Variants in FGD6 observed in about 807,000 individuals in gnomAD.
FGD6 encodes the protein FYVE, RhoGEF and PH domain containing 6, also known as FYVE, RhoGEF and PH domain-containing protein 6.
A neutral mutation model predicts 149.4 loss-of-function variants in FGD6; 90 were observed. The ratio of observed to expected loss-of-function variants is 0.60; its 90% CI spans 0.51 to 0.72. FGD6 has a LOEUF of 0.72. Among genes scored for constraint, FGD6 ranks in the 30% least tolerant of loss-of-function variants. The probability of loss-of-function intolerance (pLI) is 0.00; values close to 1 mark genes in which losing one functional copy is unlikely to be tolerated. For synonymous variants in FGD6, 527 were observed against 584.0 expected (o/e 0.90, Z 1.41); for missense variants, 1,437 against 1,684.8 (o/e 0.85, Z 2.57).
At position 95,202,115 on chromosome 12, in the gene FGD6, C is replaced by T. The variant is rs76412799; in HGVS notation, c.2441+6728G>A. 1.4e-3 allele frequency among the ~76,000 whole-genome samples: 206 copies of T among 151,908 alleles called. 1 individual carries two copies. Among genetic ancestry groups the T allele is most frequent in the African/African-American group, 4.6e-3 (191 of 41,424 alleles). On this transcript the variant is annotated intron_variant, in intron 2 of 20. Coordinates refer to ENST00000343958, the MANE Select transcript of FGD6 (RefSeq NM_018351.4). ...CACAAAAACATACATATGGGCTGGC[C>T]GCGGTGAGTCATGCCTGTAATCCCA... is the stretch of plus-strand genomic sequence containing the variant.
chr12:95,173,319 G>A (rs1265768934), intron 2 of FGD6, among the ~76,000 whole-genome samples: 1 of 152,184 alleles, frequency 6.6e-6, no homozygotes, highest in Admixed American at 6.5e-5. Context: ...TTATGCTCAA[G>A]ACCTGCTGCA....
At chr12:95,181,952 A>C (rs1881292399) in intron 2 of FGD6, among the ~76,000 whole-genome samples, 1 of 146,390 alleles carries the variant, frequency 6.8e-6, no homozygotes, top group Non-Finnish European at 1.5e-5. Flanking sequence ...AAAAAAAAAA[A>C]AAAAACAAAG....
At chr12:95,104,626 G>A (rs1439097584) in intron 14 of FGD6, among the ~76,000 whole-genome samples, 3 of 151,984 alleles carry the variant, frequency 2.0e-5, no homozygotes, top group Non-Finnish European at 2.9e-5. Flanking sequence ...TAGTAGAGAT[G>A]GGGTTTAATC....
chr12:95,217,116 G>T, intron 1 of FGD6, 109 bp downstream of exon 1: 1 of 1,531,394 alleles, frequency 6.5e-7, no homozygotes. Context: ...CTCGGCAAAG[G>T]TACGGGGCAC....
At chr12:95,125,783 G>A in intron 8 of FGD6, 1 of 740,104 alleles carries the variant, frequency 1.4e-6, no homozygotes, top group South Asian at 1.4e-5. Context: ...ACTTCATGGA[G>A]GTTGGCTGGG....
chr12:95,217,195 T>C, intron 1 of FGD6, 30 bp downstream of exon 1: 1 of 1,611,946 alleles, frequency 6.2e-7, no homozygotes, highest in Non-Finnish European at 8.5e-7. Context: ...CCACAAACTT[T>C]CCCGCGGCAG....
chr12:95,154,937 A>T (rs57773733), intron 3 of FGD6, among the ~76,000 whole-genome samples: 1,587 of 125,698 alleles, frequency 0.013, 36 homozygotes, highest in African/African-American at 0.044. Flanking sequence ...ATTTGGGAAA[A>T]TTTTTTTTTC....
intron 8 of FGD6, among the ~76,000 whole-genome samples, chr12:95,132,395 T>C (rs1879547101): frequency 6.6e-6 from 1 of 152,194 alleles, no homozygotes; most frequent in African/African-American, 2.4e-5. Flanking sequence ...AAACTAAGCA[T>C]GAAACCTAAA....
chr12:95,085,451 C>A, intron 19 of FGD6: 1 of 280,996 alleles, frequency 3.6e-6, no homozygotes, highest in East Asian at 6.6e-5. Flanking sequence ...GATCCACCCC[C>A]ACTCAGCCTC....
intron 3 of FGD6, 40 bp downstream of exon 3, chr12:95,172,560 A>T (rs1205540216): frequency 1.3e-6 from 2 of 1,510,934 alleles, no homozygotes; most frequent in South Asian, 2.8e-5. Flanking sequence ...ATTCCCAAGC[A>T]TAGGGAGAGG....
At chr12:95,164,534 A>T (rs1313739580) in intron 3 of FGD6, among the ~76,000 whole-genome samples, 2 of 151,932 alleles carry the variant, frequency 1.3e-5, no homozygotes, top group African/African-American at 4.8e-5. Context: ...GGGTTCAAGC[A>T]ATTCTCCTGC....
At chr12:95,083,367 T>C (rs1024549630) in intron 20 of FGD6, among the ~76,000 whole-genome samples, 1 of 152,038 alleles carries the variant, frequency 6.6e-6, no homozygotes, top group South Asian at 2.1e-4. Context: ...CATGTAATTC[T>C]GTCTTGGTGG....
At chr12:95,153,019 G>C (rs1019338467) in intron 3 of FGD6, 26 bp from the exon 4 acceptor site, 29 of 1,597,472 alleles carry the variant, frequency 1.8e-5, no homozygotes, top group African/African-American at 2.7e-5. Flanking sequence ...CATTTAACAT[G>C]AACTCATAAA....
At chr12:95,143,276 G>A (rs1879906991) in intron 5 of FGD6, among the ~76,000 whole-genome samples, 1 of 127,058 alleles carries the variant, frequency 7.9e-6, no homozygotes, top group East Asian at 2.3e-4. Flanking sequence ...TATTAACCAT[G>A]AGGTTTGTTT....
intron 16 of FGD6, 105 bp downstream of exon 16, chr12:95,092,594 T>C: frequency 8.6e-7 from 1 of 1,162,456 alleles, no homozygotes; most frequent in Non-Finnish European, 1.2e-6. Context: ...ATAGTTATTG[T>C]TATTCTTGAA....
At chr12:95,104,853 C>T (rs1415946154) in intron 14 of FGD6, among the ~76,000 whole-genome samples, 154 bp downstream of exon 14, 3 of 151,148 alleles carry the variant, frequency 2.0e-5, no homozygotes, top group African/African-American at 4.9e-5. Context: ...GTGGAGGCTG[C>T]AGTGAGCCGT....
In FGD6 at chr12:95,217,258, C is replaced by G. The variant is rs1204840656; in HGVS notation, c.-18G>C. 2 of 1,607,100 alleles carry G rather than the reference C, an allele frequency of 1.2e-6. No homozygotes were observed. The highest frequency in any genetic ancestry group is 4.5e-5 in the East Asian group (2 of 44,194). ...GAAGTCATGATTCCCCGGTGCAGCT[C>G]GCTTCCCCGCTCGGCCCCTCAATCC... On this transcript the variant is annotated 5_prime_UTR_variant, in exon 1 of 21. Coordinates refer to ENST00000343958, the MANE Select transcript of FGD6 (RefSeq NM_018351.4).
chr12:95,209,879 A>G lies in FGD6; in HGVS notation c.1405T>C (p.Ser469Pro). ...GCAGAAACTCCCAGGTTTCTCCCAG[A>G]TTGCAAATGTTCATTGCAAGTTAAT... ...LKLTCNEHLQ[S>P]GRNLGVSAPQ... Residue 469 changes from serine (S) to proline (P), a missense_variant, in exon 2 of 21, where the codon TCT becomes CCT. Coordinates refer to ENST00000343958, the MANE Select transcript of FGD6 (RefSeq NM_018351.4). 1.2e-6 allele frequency: 2 copies of G among 1,613,200 alleles called. No homozygotes were observed. Among genetic ancestry groups the G allele is most frequent in the Admixed American group, 3.3e-5 (2 of 59,774 alleles).
At chr12:95,100,498 G>A (rs919677203) in intron 14 of FGD6, 6 of 334,680 alleles carry the variant, frequency 1.8e-5, no homozygotes, top group African/African-American at 4.3e-5. Flanking sequence ...ACACTGTCTC[G>A]CCCACCATGT....
Sources: gnomAD v4.1 joint callset for allele counts (sites outside exome capture counted in the v4.1 genomes callset) on GRCh38, gnomAD v4.1.1 for gene constraint, MANE v1.5 for transcripts, NCBI Gene and HGNC (gene_info 2026-07-23, HGNC 2026-07-21) for gene names.